ELP1: variants seen among roughly 807,000 people sequenced by gnomAD.
ELP1 encodes the protein elongator complex protein 1.
ELP1 carries 131 observed loss-of-function variants against 183.2 expected under a neutral mutation model. That is an observed-to-expected ratio of 0.72 (90% CI 0.62 to 0.83). ELP1 has a LOEUF of 0.83. ELP1 is among the 40% of genes least tolerant of loss of function. The pLI, the probability that ELP1 is intolerant of heterozygous loss-of-function variation, is 0.00. For missense variants in ELP1, 1,550 were observed against 1,594.9 expected (o/e 0.97, Z 0.48); for synonymous variants, 555 against 569.0 (o/e 0.98, Z 0.35).
chr9:108,915,073 T>C (rs1759856), intron 10 of ELP1, among the ~76,000 whole-genome samples: 87,189 of 152,070 alleles, frequency 0.57, 25,252 homozygotes, highest in South Asian at 0.7. Flanking sequence ...TTTTCTAACA[T>C]TTTCAAGTAT....
intron 29 of ELP1, among the ~76,000 whole-genome samples, chr9:108,887,776 A>G (rs1237013542): frequency 6.6e-6 from 1 of 152,172 alleles, no homozygotes; most frequent in Non-Finnish European, 1.5e-5. Context: ...AGCAATAGAT[A>G]ATACATCTAG....
chr9:108,929,944 C>T (rs1197282731), intron 2 of ELP1, 23 bp from the exon 3 acceptor site: 1 of 1,611,654 alleles, frequency 6.2e-7, no homozygotes, highest in Non-Finnish European at 8.5e-7. Context: ...TAAACACAAG[C>T]AAATTAACCC....
chr9:108,896,418 G>T (rs1354403434), intron 25 of ELP1, 78 bp downstream of exon 25: 4 of 1,359,090 alleles, frequency 2.9e-6, no homozygotes, highest in Non-Finnish European at 4.2e-6. Context: ...AAAAGCTACT[G>T]CACTACCAGA....
intron 12 of ELP1, among the ~76,000 whole-genome samples, 170 bp downstream of exon 12, chr9:108,910,840 A>AC (rs912980125): frequency 7.3e-5 from 11 of 151,692 alleles, no homozygotes; most frequent in Non-Finnish European, 1.5e-4. Flanking sequence ...TAAAAAAAAA[A>AC]AAAACAAAAA....
intron 36 of ELP1, among the ~76,000 whole-genome samples, chr9:108,872,654 A>C (rs1444620136): frequency 6.6e-6 from 1 of 151,176 alleles, no homozygotes; most frequent in African/African-American, 2.4e-5. Flanking sequence ...AATACAAAAA[A>C]ATTAGCCGGG....
At chr9:108,908,448 T>C (rs765270949) in intron 12 of ELP1, 44 bp from the exon 13 acceptor site, 1 of 1,403,910 alleles carries the variant, frequency 7.1e-7, no homozygotes, top group East Asian at 2.3e-5. Context: ...AATTATAAGA[T>C]TTCACCTAAT....
Position 108,880,074 on chromosome 9 carries a change from C to T in ELP1, c.3438G>A (p.Glu1146=), listed in dbSNP as rs931836170. ...KRLLVVRELK[E]QAQQAGLDDE... is the part of the protein sequence containing the mutation. ...CACCCAGACCTGCCTGCTGGGCTTG[C>T]TCCTTGAGCTCTCGAACTACCAATA... The change falls in exon 32 of 37, where the codon GAG becomes GAA. Residue 1146 remains glutamate (E), a synonymous_variant. Transcript: ENST00000374647. 1.9e-6 allele frequency: 3 copies of T among 1,613,682 alleles called. No homozygotes were observed. The highest frequency in any genetic ancestry group is 2.2e-5 in the South Asian group (2 of 91,084).
At chr9:108,889,831 A>C (rs1175229380) in intron 28 of ELP1, 1 of 235,900 alleles carries the variant, frequency 4.2e-6, no homozygotes, top group Non-Finnish European at 8.4e-6. Context: ...CTTTCGAAGG[A>C]GCTGGTAGAT....
Position 108,893,965 on chromosome 9 carries a change from G to A in ELP1, c.2838C>T (p.Ala946=). Residue 946 remains alanine, a synonymous_variant, in exon 26 of 37, where the codon GCC becomes GCT. Transcript: ENST00000374647. The stretch of plus-strand genomic sequence containing the variant: ...TACCACATTTGCTGAGGTGGCCAAT[G>A]GCTTTTTCATATCGTTTCAAGTATT... ...IDKYLKRYEK[A]IGHLSKCGPE... is the part of the protein sequence containing the mutation. 1.2e-6 allele frequency: 2 copies of A among 1,613,604 alleles called. No individual in the cohort carries two copies. The highest frequency in any genetic ancestry group is 1.1e-5 in the South Asian group (1 of 91,074).
At chr9:108,917,789 A>C in intron 8 of ELP1, 119 bp from the exon 9 acceptor site, 2 of 1,121,384 alleles carry the variant, frequency 1.8e-6, no homozygotes, top group Non-Finnish European at 2.7e-6. Flanking sequence ...ATTAATGAAT[A>C]TCTTTATCCA....
At chr9:108,891,425 G>A (rs763160264) in intron 27 of ELP1, 21 bp from the exon 28 acceptor site, 2 of 1,601,936 alleles carry the variant, frequency 1.2e-6, no homozygotes, top group African/African-American at 2.7e-5. Context: ...AGGAGATTTA[G>A]GACTGAGGAG....
chr9:108,883,582 C>T (rs1344359423), intron 29 of ELP1, among the ~76,000 whole-genome samples: 1 of 146,018 alleles, frequency 6.8e-6, no homozygotes, highest in Non-Finnish European at 1.5e-5. Context: ...AAAGAATAAA[C>T]ATGAAAGGTC....
intron 29 of ELP1, among the ~76,000 whole-genome samples, chr9:108,888,699 AG>A (rs1828215617): frequency 6.6e-6 from 1 of 152,210 alleles, no homozygotes; most frequent in African/African-American, 2.4e-5. Context: ...ATATTTTTAA[AG>A]CACAATTAAG....
intron 29 of ELP1, among the ~76,000 whole-genome samples, chr9:108,887,608 A>T (rs1294051520): frequency 6.6e-6 from 1 of 152,222 alleles, no homozygotes; most frequent in Non-Finnish European, 1.5e-5. Context: ...AAGCCTTGAG[A>T]TGACTCTAGC....
rs1829697305 is a variant in ELP1 at position 108,922,879 on chromosome 9, C to T, written c.515G>A (p.Gly172Glu). The T allele has an allele frequency of 4.3e-6, 7 of 1,614,084 alleles. No individual in the cohort carries two copies. The highest frequency in any genetic ancestry group is 5.9e-6 in the Non-Finnish European group (7 of 1,179,954). Residue 172 changes from glycine to glutamate, a missense_variant, in exon 6 of 37, where the codon GGA becomes GAA. Physicochemically the swap from Gly to Glu is moderately conservative, Grantham distance 98. Coordinates refer to ENST00000374647, the MANE Select transcript of ELP1 (RefSeq NM_003640.5). ...AAAAGCTGCTTGTCTGCCTTCTGATCCATGGAACTGTGTCTCCTTCCTACC... is the reference window on the plus strand; with the variant it reads ...AAAAGCTGCTTGTCTGCCTTCTGATTCATGGAACTGTGTCTCCTTCCTACC... The part of the protein sequence containing the change: ...GWGRKETQFH[G>E]SEGRQAAFQM...
Position 108,896,498 on chromosome 9 carries a change from T to A in ELP1, c.2734A>T (p.Lys912Ter), listed in dbSNP as rs1285011372. 6.2e-7 allele frequency: 1 copy of A among 1,614,022 alleles called. No individual in the cohort carries two copies. The highest frequency in any genetic ancestry group is 8.5e-7 in the Non-Finnish European group (1 of 1,179,914). ...ATAAAAGTAAGAACTCCACATACCTTCTGTGACTTCTCAGCTACCATGAGG... is the reference window on the plus strand; with the variant it reads ...ATAAAAGTAAGAACTCCACATACCTACTGTGACTTCTCAGCTACCATGAGG... ...LVLMVAEKSQKDPKEYLPFLN... is the reference protein window; with the variant it reads ...LVLMVAEKSQ Residue 912 changes from lysine (K) to a stop codon, truncating the protein, a stop_gained and splice_region_variant, in exon 25 of 37, where the codon AAG (lysine) becomes TAG (stop). Coordinates refer to ENST00000374647, the MANE Select transcript of ELP1 (RefSeq NM_003640.5). LOFTEE classifies it high-confidence loss of function.
At chr9:108,918,973 T>C (rs1380768530) in intron 7 of ELP1, 72 bp from the exon 8 acceptor site, 2 of 1,065,048 alleles carry the variant, frequency 1.9e-6, no homozygotes, top group East Asian at 2.4e-5. Context: ...TTCAGAACTA[T>C]TCAAACACCT....
At chr9:108,908,677 C>T (rs1187592303) in intron 12 of ELP1, among the ~76,000 whole-genome samples, 1 of 152,234 alleles carries the variant, frequency 6.6e-6, no homozygotes, top group Admixed American at 6.5e-5. Context: ...TCAACCACCT[C>T]TCAATATCCT....
intron 25 of ELP1, among the ~76,000 whole-genome samples, chr9:108,896,118 G>A (rs1270268221): frequency 6.6e-6 from 1 of 152,090 alleles, no homozygotes; most frequent in Non-Finnish European, 1.5e-5. Context: ...TTAGCCGGGC[G>A]TGGTGATGGG....
Sources: allele counts gnomAD v4.1 joint callset (sites outside exome capture counted in the v4.1 genomes callset), GRCh38; gene constraint gnomAD v4.1.1; transcripts MANE v1.5; gene names NCBI Gene and HGNC (gene_info 2026-07-23, HGNC 2026-07-21).